Variants in ADAMTS17 observed in about 807,000 individuals in gnomAD.
ADAMTS17 encodes A disintegrin and metalloproteinase with thrombospondin motifs 17.
A neutral mutation model predicts 141.5 loss-of-function variants in ADAMTS17; 113 were observed. That is an observed-to-expected ratio of 0.80 (90% CI 0.69 to 0.93). The LOEUF is 0.93. ADAMTS17 is among the 40% of genes least tolerant of loss of function. The pLI, the probability that ADAMTS17 is intolerant of heterozygous loss-of-function variation, is 0.00. For synonymous variants in ADAMTS17, 768 were observed against 630.6 expected (o/e 1.22, Z -3.27); for missense variants, 1,659 against 1,517.9 (o/e 1.09, Z -1.54).
chr15:100,054,633 G>T (rs922671), intron 15 of ADAMTS17, among the ~76,000 whole-genome samples: 56,576 of 152,002 alleles, frequency 0.37, 12,331 homozygotes, highest in African/African-American at 0.6. Context: ...TAAGTATGAA[G>T]GTTTGGAAAC....
Position 100,015,429 on chromosome 15 carries a change from G to GT in ADAMTS17, c.2592-17841dup, listed in dbSNP as rs999639568. On this transcript the variant is annotated intron_variant, in intron 18 of 21. Coordinates refer to ENST00000268070, the MANE Select transcript of ADAMTS17 (RefSeq NM_139057.4). ...CTTGCTTTTTTTTGTTTTTCTTTTT[G>GT]TTTTTTAACTTGTATTTTTGTTTTA... 5.9e-5 allele frequency among the ~76,000 whole-genome samples: 9 copies of GT among 151,772 alleles called. 1 individual carries two copies. The highest frequency in any genetic ancestry group is 4.2e-4 in the South Asian group (2 of 4,802).
intron 3 of ADAMTS17, among the ~76,000 whole-genome samples, chr15:100,301,323 T>TTATATATATATATA (rs140913683): frequency 1.4e-5 from 2 of 145,862 alleles, no homozygotes; most frequent in East Asian, 2.1e-4. Context: ...TCTATGTGAG[T>TTATATATATATATA]TATATATATA....
intron 15 of ADAMTS17, among the ~76,000 whole-genome samples, chr15:100,062,135 G>A (rs981957929): frequency 4.6e-5 from 7 of 152,224 alleles, no homozygotes; most frequent in South Asian, 2.1e-4. Context: ...GACAGCTGAG[G>A]AGGAGAGTGC....
At chr15:100,181,832 A>G (rs1474217028) in intron 8 of ADAMTS17, among the ~76,000 whole-genome samples, 1 of 152,214 alleles carries the variant, frequency 6.6e-6, no homozygotes, top group Non-Finnish European at 1.5e-5. Flanking sequence ...CTAGTGTCTA[A>G]TTAAGTTGCA....
rs138738181 is a variant in ADAMTS17 at position 99,993,060 on chromosome 15, C to T, written c.2937G>A (p.Gly979=). The change falls in exon 20 of 22, where the codon GGG becomes GGA. Residue 979 remains glycine, a synonymous_variant. Coordinates refer to ENST00000268070, the MANE Select transcript of ADAMTS17 (RefSeq NM_139057.4). The surrounding 1 kb of genome is among the most constrained non-coding windows in gnomAD (Gnocchi z 4.3). ...AGGCTGCTCTCACCGTAGACCAGTC[C>T]CCAGTTTTCCACTCGTAGCAGCCTG... ...DYSGCYEWKT[G]DWSTCSSTCG... The T allele has an allele frequency of 3.5e-5, 57 of 1,614,150 alleles. 1 individual carries two copies. The Middle Eastern group carries it at 9.9e-4, about 28-fold the overall frequency.
At chr15:100,187,511 G>T (rs954458592) in intron 8 of ADAMTS17, among the ~76,000 whole-genome samples, 3 of 152,208 alleles carry the variant, frequency 2.0e-5, no homozygotes, top group Non-Finnish European at 2.9e-5. Flanking sequence ...GATTCATGTT[G>T]CAGCAAGAAG....
In ADAMTS17 at chr15:100,338,790, C is replaced by CTACCACAG. The variant is rs554252922; in HGVS notation, c.450+2241_450+2248dup. ...CTCCACATCTCCACTCACAGAGCTTCTACCACAGTACCACAGTCAAGAGGG... is the reference window on the plus strand; with the variant it reads ...CTCCACATCTCCACTCACAGAGCTTCTACCACAGTACCACAGTACCACAGTCAAGAGGG... On this transcript the variant is annotated intron_variant, in intron 2 of 21. Transcript: ENST00000268070. 1.6e-3 allele frequency among the ~76,000 whole-genome samples: 250 copies of CTACCACAG among 152,334 alleles called. 1 individual carries two copies. The highest frequency in any genetic ancestry group is 5.5e-3 in the African/African-American group (227 of 41,576).
intron 15 of ADAMTS17, among the ~76,000 whole-genome samples, chr15:100,058,519 C>T (rs906243471): frequency 4.9e-4 from 75 of 152,318 alleles, no homozygotes; most frequent in Non-Finnish European, 9.6e-4. Flanking sequence ...AGTAAAACAT[C>T]TGGGAAGTCA....
At chr15:100,118,591 T>C (rs2037286073) in intron 12 of ADAMTS17, among the ~76,000 whole-genome samples, 1 of 152,098 alleles carries the variant, frequency 6.6e-6, no homozygotes, top group Admixed American at 6.5e-5. Flanking sequence ...GAGGCATCAG[T>C]TCCAGAGAAA....
intron 20 of ADAMTS17, among the ~76,000 whole-genome samples, chr15:99,991,681 C>T (rs1439579428): frequency 6.6e-6 from 1 of 152,110 alleles, no homozygotes; most frequent in Non-Finnish European, 1.5e-5. Context: ...AATATATACC[C>T]AAAGGATTAT....
chr15:100,096,722 G>GGAC (rs72526639), intron 14 of ADAMTS17, among the ~76,000 whole-genome samples: 2 of 151,430 alleles, frequency 1.3e-5, no homozygotes, highest in Non-Finnish European at 2.9e-5. Flanking sequence ...TTGTTCTGGA[G>GGAC]GGAGATCCAT....
intron 15 of ADAMTS17, among the ~76,000 whole-genome samples, chr15:100,082,228 G>A (rs1183410080): frequency 6.6e-6 from 1 of 152,106 alleles, no homozygotes; most frequent in African/African-American, 2.4e-5. Context: ...ACCACGCCCA[G>A]CTAATTTTTG....
intron 7 of ADAMTS17, among the ~76,000 whole-genome samples, chr15:100,242,561 CCA>C: frequency 6.6e-6 from 1 of 152,286 alleles, no homozygotes; most frequent in East Asian, 1.9e-4. Flanking sequence ...CCATCCTCTC[CCA>C]CACACTGCAG....
At chr15:100,143,327 T>G (rs2038747339) in intron 10 of ADAMTS17, among the ~76,000 whole-genome samples, 1 of 152,234 alleles carries the variant, frequency 6.6e-6, no homozygotes, top group Non-Finnish European at 1.5e-5. Context: ...TATCTGAGCT[T>G]AAGTAGCTTG....
intron 7 of ADAMTS17, among the ~76,000 whole-genome samples, chr15:100,248,287 C>A (rs532684660): frequency 1.0e-3 from 152 of 152,326 alleles, no homozygotes; most frequent in Non-Finnish European, 1.7e-3. Flanking sequence ...ACAAAAACCA[C>A]CGTAGCTCAA....
intron 3 of ADAMTS17, among the ~76,000 whole-genome samples, chr15:100,316,367 G>T (rs887078041): frequency 6.6e-6 from 1 of 152,176 alleles, no homozygotes; most frequent in South Asian, 2.1e-4. Flanking sequence ...TCAGAAATTT[G>T]GGAGCCAAGA....
At chr15:100,050,352 G>A (rs2032043683) in intron 17 of ADAMTS17, among the ~76,000 whole-genome samples, 1 of 152,210 alleles carries the variant, frequency 6.6e-6, no homozygotes, top group Non-Finnish European at 1.5e-5. Context: ...TGGAATCAGA[G>A]GTAGATGTGT....
intron 4 of ADAMTS17, among the ~76,000 whole-genome samples, chr15:100,278,141 G>A (rs2044160937): frequency 6.6e-6 from 1 of 152,142 alleles, no homozygotes; most frequent in Non-Finnish European, 1.5e-5. Flanking sequence ...GGGGCTGGGG[G>A]AGAGGGAAAG....
At chr15:100,077,122 A>C (rs1002483705) in intron 15 of ADAMTS17, among the ~76,000 whole-genome samples, 4 of 151,866 alleles carry the variant, frequency 2.6e-5, no homozygotes, top group Admixed American at 1.3e-4. Flanking sequence ...AATATGATTT[A>C]TGCTAGGACT....
Sources: allele counts gnomAD v4.1 joint callset (sites outside exome capture counted in the v4.1 genomes callset), GRCh38; gene constraint gnomAD v4.1.1; non-coding constraint Gnocchi (gnomAD v3.1); transcripts MANE v1.5; gene names NCBI Gene and HGNC (gene_info 2026-07-23, HGNC 2026-07-21).